Variants in RBFOX1 observed in about 807,000 individuals in gnomAD.
The protein encoded by RBFOX1 is RNA binding protein fox-1 homolog 1.
Under a neutral mutation model 57.7 loss-of-function variants are expected in RBFOX1, and 8 were observed. That is an observed-to-expected ratio of 0.14 (90% CI 0.08 to 0.25). The LOEUF (loss-of-function observed/expected upper bound fraction) is 0.25, where lower values mean the gene tolerates loss of function less well. Among genes scored for constraint, RBFOX1 ranks in the 10% least tolerant of loss-of-function variants. The pLI is 1.00. For missense variants in RBFOX1, 611 were observed against 548.5 expected (o/e 1.11, Z -1.14); for synonymous variants, 326 against 222.4 (o/e 1.47, Z -4.15).
intron 1 of RBFOX1, among the ~76,000 whole-genome samples, chr16:6,028,135 C>T (rs182025804): frequency 6.6e-6 from 1 of 152,226 alleles, no homozygotes; most frequent in African/African-American, 2.4e-5. Context: ...AAGTGAGTCT[C>T]CTGAAGATGT....
At chr16:7,455,930 G>A (rs556171975) in intron 4 of RBFOX1, among the ~76,000 whole-genome samples, 89 of 152,122 alleles carry the variant, frequency 5.9e-4, no homozygotes, top group African/African-American at 1.6e-3. Context: ...CCCCTATTAG[G>A]TAAATATTAT....
At chr16:7,156,134 G>T (rs1349542866) in intron 4 of RBFOX1, among the ~76,000 whole-genome samples, 2 of 151,874 alleles carry the variant, frequency 1.3e-5, no homozygotes, top group Non-Finnish European at 2.9e-5. Flanking sequence ...GGCCTTCAAG[G>T]TGCTGGGATC....
intron 3 of RBFOX1, among the ~76,000 whole-genome samples, chr16:5,624,488 C>T (rs552897702): frequency 1.2e-4 from 18 of 152,338 alleles, no homozygotes; most frequent in Non-Finnish European, 2.4e-4. Context: ...TGAGCCATCG[C>T]GCCCAGCCAC....
At chr16:7,332,907 G>A in intron 4 of RBFOX1, 4 of 1,590,606 alleles carry the variant, frequency 2.5e-6, no homozygotes, top group Non-Finnish European at 3.4e-6. Context: ...TTGGCTCCCA[G>A]CTTTGTAGTT....
chr16:6,952,567 G>A (rs1165745874), intron 3 of RBFOX1, among the ~76,000 whole-genome samples: 2 of 151,984 alleles, frequency 1.3e-5, no homozygotes, highest in African/African-American at 2.4e-5. Context: ...AGGCCTGGGA[G>A]ATCAAGGCTG....
chr16:5,268,448 A>T (rs557906987), intron 1 of RBFOX1, among the ~76,000 whole-genome samples: 1 of 152,354 alleles, frequency 6.6e-6, no homozygotes, highest in Non-Finnish European at 1.5e-5. Context: ...CAGTGGATAA[A>T]ATAAAAAATC....
chr16:6,223,112 T>C (rs1440665652), intron 1 of RBFOX1, among the ~76,000 whole-genome samples: 2 of 149,266 alleles, frequency 1.3e-5, no homozygotes, highest in African/African-American at 4.9e-5. Context: ...GTTGTACATT[T>C]GGGTTGGTTC....
At chr16:5,644,936 G>A (rs1355294024) in intron 3 of RBFOX1, among the ~76,000 whole-genome samples, 1 of 152,202 alleles carries the variant, frequency 6.6e-6, no homozygotes, top group African/African-American at 2.4e-5. Context: ...ACATGCCATG[G>A]CATGGATGAA....
intron 1 of RBFOX1, among the ~76,000 whole-genome samples, chr16:5,287,487 G>A (rs186296479): frequency 1.1e-3 from 165 of 152,294 alleles, no homozygotes; most frequent in Middle Eastern, 3.4e-3. Context: ...AAGGACGGTC[G>A]CCCTTGTATC....
At chr16:6,756,943 C>A (rs570815279) in intron 3 of RBFOX1, among the ~76,000 whole-genome samples, 20 of 151,990 alleles carry the variant, frequency 1.3e-4, no homozygotes, top group African/African-American at 4.1e-4. Flanking sequence ...CCATTGCACT[C>A]CAGCCTGGGC....
intron 2 of RBFOX1, among the ~76,000 whole-genome samples, chr16:6,326,211 C>A (rs778383312): frequency 2.0e-5 from 3 of 152,172 alleles, no homozygotes; most frequent in Non-Finnish European, 4.4e-5. Flanking sequence ...TCCTTCCTTC[C>A]TTCATTCATT....
chr16:6,978,190 G>C (rs1256334780), intron 3 of RBFOX1, among the ~76,000 whole-genome samples: 1 of 152,152 alleles, frequency 6.6e-6, no homozygotes, highest in East Asian at 1.9e-4. Flanking sequence ...AGCCAGCCTT[G>C]ACTGGGCCCT....
intron 4 of RBFOX1, among the ~76,000 whole-genome samples, chr16:7,381,960 G>A (rs1453028749): frequency 6.6e-6 from 1 of 152,152 alleles, no homozygotes; most frequent in Non-Finnish European, 1.5e-5. Context: ...CTGTCCCCTG[G>A]GGGATGAAAT....
At chr16:6,763,061 A>G (rs1409124461) in intron 3 of RBFOX1, among the ~76,000 whole-genome samples, 8 of 152,200 alleles carry the variant, frequency 5.3e-5, no homozygotes, top group Non-Finnish European at 2.9e-5. Flanking sequence ...TTAAGGTCCT[A>G]CAATATATCA....
At chr16:7,581,568 C>T (rs1457143589) in intron 6 of RBFOX1, among the ~76,000 whole-genome samples, 1 of 152,122 alleles carries the variant, frequency 6.6e-6, no homozygotes, top group African/African-American at 2.4e-5. Context: ...AATGCTAAGT[C>T]ATAGAGGTAT....
intron 2 of RBFOX1, among the ~76,000 whole-genome samples, chr16:6,398,548 A>G (rs940206648): frequency 6.6e-6 from 1 of 152,134 alleles, no homozygotes; most frequent in African/African-American, 2.4e-5. Flanking sequence ...GAAATTTGCC[A>G]AAACAAAGGG....
intron 5 of RBFOX1, among the ~76,000 whole-genome samples, chr16:7,539,336 T>C (rs1462125104): frequency 6.6e-6 from 1 of 152,062 alleles, no homozygotes; most frequent in African/African-American, 2.4e-5. Context: ...GGAGCAGCAT[T>C]CCAGGAAGAG....
At chr16:6,723,252 A>G (rs1444144940) in intron 3 of RBFOX1, among the ~76,000 whole-genome samples, 1 of 152,246 alleles carries the variant, frequency 6.6e-6, no homozygotes, top group Non-Finnish European at 1.5e-5. Context: ...GACTTTGGGC[A>G]AGCAGTTTCT....
intron 2 of RBFOX1, among the ~76,000 whole-genome samples, chr16:6,444,366 C>A (rs2094444309): frequency 1.3e-5 from 2 of 152,126 alleles, no homozygotes; most frequent in African/African-American, 4.8e-5. Flanking sequence ...CAAATCTCAT[C>A]TTGAATTGTA....
Sources: allele counts gnomAD v4.1 joint callset (sites outside exome capture counted in the v4.1 genomes callset), GRCh38; gene constraint gnomAD v4.1.1; transcripts MANE v1.5; gene names NCBI Gene and HGNC (gene_info 2026-07-23, HGNC 2026-07-21).